Variants in MALT1 observed in about 807,000 individuals in gnomAD.
MALT1 encodes the protein mucosa-associated lymphoid tissue lymphoma translocation protein 1.
Under a neutral mutation model 85.5 loss-of-function variants are expected in MALT1, and 36 were observed. The ratio of observed to expected loss-of-function variants is 0.42; its 90% confidence interval spans 0.32 to 0.56. MALT1 has a LOEUF of 0.56. MALT1 is among the 20% of genes least tolerant of loss of function. The pLI is 0.10. For synonymous variants in MALT1, 359 were observed against 361.3 expected (o/e 0.99, Z 0.07); for missense variants, 716 against 981.6 (o/e 0.73, Z 3.62).
intron 10 of MALT1, among the ~76,000 whole-genome samples, chr18:58,725,595 A>C (rs2055044099): frequency 6.6e-6 from 1 of 152,216 alleles, no homozygotes; most frequent in South Asian, 2.1e-4. Context: ...CCAAAACTTC[A>C]CTAGAAGTGA....
intron 14 of MALT1, among the ~76,000 whole-genome samples, chr18:58,742,344 T>C (rs188442302): frequency 2.6e-5 from 4 of 152,320 alleles, no homozygotes; most frequent in Admixed American, 2.0e-4. Flanking sequence ...TCGAAAATCA[T>C]GGATTGGGTT....
intron 9 of MALT1, among the ~76,000 whole-genome samples, chr18:58,719,692 G>T (rs2054957646): frequency 6.6e-6 from 1 of 152,154 alleles, no homozygotes; most frequent in African/African-American, 2.4e-5. Context: ...ACCACATCTG[G>T]AAAGATAGGC....
In MALT1 at chr18:58,700,829, C is replaced by T. The variant is rs556859694; in HGVS notation, c.649+238C>T. On this transcript the variant is annotated intron_variant, in intron 4 of 16. Transcript: ENST00000649217. Reference sequence around the variant, plus strand: ...TTTAAGACAAAGTCTTTTTGTTGCCCAGGCTGGAGTGCAGTGGTGCCATCT... The same window carrying T: ...TTTAAGACAAAGTCTTTTTGTTGCCTAGGCTGGAGTGCAGTGGTGCCATCT... 5.3e-5 allele frequency among the ~76,000 whole-genome samples: 8 copies of T among 151,796 alleles called. No homozygotes were observed. The South Asian group carries it at 1.7e-3, about 32-fold the overall frequency.
chr18:58,680,411 C>G (rs1168365225), intron 1 of MALT1, among the ~76,000 whole-genome samples: 1 of 152,118 alleles, frequency 6.6e-6, no homozygotes, highest in African/African-American at 2.4e-5. Flanking sequence ...ATTTGATATA[C>G]ATGCCATAAT....
chr18:58,723,586 A>T (rs2055013848), intron 10 of MALT1, among the ~76,000 whole-genome samples: 1 of 152,140 alleles, frequency 6.6e-6, no homozygotes, highest in South Asian at 2.1e-4. Flanking sequence ...TGCGTAAAAT[A>T]TTACAGTATG....
intron 4 of MALT1, among the ~76,000 whole-genome samples, chr18:58,708,240 A>G (rs1351111962): frequency 1.3e-5 from 2 of 152,220 alleles, no homozygotes; most frequent in Admixed American, 6.5e-5. Context: ...GCCTTCTGCA[A>G]GAGCACTTGA....
chr18:58,745,500 A>G lies in MALT1; in HGVS notation c.1912-166A>G, dbSNP rs573560458. The stretch of plus-strand genomic sequence containing the variant: ...TTGAGAATTCCTATTATAACCATAG[A>G]TTGTTGTTTTCATTGTTTAGTCCTG... On this transcript the variant is annotated intron_variant, in intron 15 of 16. Coordinates refer to ENST00000649217, the MANE Select transcript of MALT1 (RefSeq NM_006785.4). 1.1e-4 allele frequency among the ~76,000 whole-genome samples: 17 copies of G among 152,280 alleles called. No homozygotes were observed. The South Asian group carries it at 3.3e-3, about 30-fold the overall frequency.
chr18:58,713,262 AATAG>A (rs2054856507), intron 7 of MALT1, among the ~76,000 whole-genome samples: 1 of 152,166 alleles, frequency 6.6e-6, no homozygotes, highest in African/African-American at 2.4e-5. Flanking sequence ...AACTTGAAAA[AATAG>A]ATAGCTATAA....
intron 9 of MALT1, among the ~76,000 whole-genome samples, chr18:58,718,569 A>C (rs2054936570): frequency 6.6e-6 from 1 of 152,056 alleles, no homozygotes; most frequent in Non-Finnish European, 1.5e-5. Flanking sequence ...TCATCTCAAA[A>C]CCACCCCTCC....
intron 2 of MALT1, among the ~76,000 whole-genome samples, chr18:58,682,028 T>C (rs187342146): frequency 3.5e-4 from 54 of 152,268 alleles, no homozygotes; most frequent in Middle Eastern, 3.4e-3. Flanking sequence ...CAGACCTCCT[T>C]CTTTACCTGG....
At chr18:58,676,316 T>C (rs2054239013) in intron 1 of MALT1, among the ~76,000 whole-genome samples, 1 of 152,122 alleles carries the variant, frequency 6.6e-6, no homozygotes, top group African/African-American at 2.4e-5. Context: ...GGATTACTTA[T>C]GCCTAGGACT....
Position 58,682,860 on chromosome 18 carries a change from A to G in MALT1, c.376+1524A>G, listed in dbSNP as rs1054175918. Among the ~76,000 whole-genome samples, 5 of 152,194 alleles carry G rather than the reference A, an allele frequency of 3.3e-5. No individual in the cohort carries two copies. In the East Asian group the frequency reaches 9.6e-4, roughly 29 times the overall value. ...TTACAAGGCCCTCTGTAGATGGTAA[A>G]ATAGGCCTCTGATAAATGCCCTATG... On this transcript the variant is annotated intron_variant, in intron 2 of 16. Coordinates refer to ENST00000649217, the MANE Select transcript of MALT1 (RefSeq NM_006785.4).
chr18:58,728,371 A>G (rs2055094747), intron 10 of MALT1, among the ~76,000 whole-genome samples: 1 of 151,536 alleles, frequency 6.6e-6, no homozygotes, highest in Admixed American at 6.6e-5. Flanking sequence ...TGGGAAGCTA[A>G]GGTGGGAGGG....
rs758194574 is a variant in MALT1 at position 58,748,821 on chromosome 18, A to G, written c.*979A>G. ...CTCACAAAGAAAATCCCAGGCCTAG[A>G]TGGCTGCATTGTTGAATTCTGCCAA... On this transcript the variant is annotated 3_prime_UTR_variant, in exon 17 of 17. Coordinates refer to ENST00000649217, the MANE Select transcript of MALT1 (RefSeq NM_006785.4). 13 of 203,226 alleles carry G rather than the reference A, an allele frequency of 6.4e-5. No individual in the cohort carries two copies. The highest frequency in any genetic ancestry group is 1.2e-4 in the Non-Finnish European group (12 of 98,946). 12.6% of individuals were successfully genotyped at this position (203,226 alleles called of 1,614,324 possible).
chr18:58,686,381 CATCAGTCCTA>C (rs1346348979), intron 2 of MALT1, among the ~76,000 whole-genome samples: 1 of 152,190 alleles, frequency 6.6e-6, no homozygotes, highest in Non-Finnish European at 1.5e-5. Flanking sequence ...TTATAGGCTT[CATCAGTCCTA>C]GTTACATACA....
In MALT1 at chr18:58,751,930, G is replaced by A. The variant is rs143582671; in HGVS notation, c.*4088G>A. The stretch of plus-strand genomic sequence containing the variant: ...CATTCAGTGATGAACAAGTCAAAAC[G>A]TTTCAGAAAAGAAAGCCTTTAAAGA... On this transcript the variant is annotated 3_prime_UTR_variant, in exon 17 of 17. Transcript: ENST00000649217. The A allele has an allele frequency of 1.5e-4, 23 of 152,278 alleles. No homozygotes were observed. Among genetic ancestry groups the A allele is most frequent in the African/African-American group, 2.6e-4 (11 of 41,562 alleles). 9.4% of individuals were successfully genotyped at this position (152,278 alleles called of 1,614,324 possible).
intron 10 of MALT1, among the ~76,000 whole-genome samples, chr18:58,727,769 A>AACT (rs1354920315): frequency 6.6e-6 from 1 of 152,098 alleles, no homozygotes; most frequent in East Asian, 1.9e-4. Flanking sequence ...TAGAGACAGT[A>AACT]TCATATAGCA....
In MALT1 at chr18:58,744,474, C is replaced by G. The variant is rs1417768741; in HGVS notation, c.1890C>G (p.Ala630=). 1 of 1,600,972 alleles carries G rather than the reference C, an allele frequency of 6.2e-7. No individual in the cohort carries two copies. The highest frequency in any genetic ancestry group is 1.7e-5 in the Admixed American group (1 of 58,228). ...CACCGGAGATAATAATGTGTGATGC[C>G]TACGTTACTGATTTTCCACTTGTGA... ...YKPPEIIMCD[A]YVTDFPLDLD... Residue 630 remains alanine, a synonymous_variant, in exon 15 of 17, where the codon GCC becomes GCG. Transcript: ENST00000649217.
intron 1 of MALT1, among the ~76,000 whole-genome samples, chr18:58,680,325 C>T (rs999702144): frequency 1.3e-5 from 2 of 151,474 alleles, no homozygotes; most frequent in African/African-American, 4.9e-5. Flanking sequence ...ATGTTAATTC[C>T]TTCATTTCTC....
Sources: allele counts gnomAD v4.1 joint callset (sites outside exome capture counted in the v4.1 genomes callset), GRCh38; gene constraint gnomAD v4.1.1; transcripts MANE v1.5; gene names NCBI Gene and HGNC (gene_info 2026-07-23, HGNC 2026-07-21).